SYBU: variants seen among roughly 807,000 people sequenced by gnomAD.
SYBU encodes syntabulin.
In SYBU, 21 loss-of-function variants were observed where a neutral mutation model predicts 35.9. The observed-to-expected ratio is 0.58, with a 90% CI of 0.41 to 0.84. The LOEUF (loss-of-function observed/expected upper bound fraction) is 0.84. Among genes scored for constraint, SYBU ranks in the 40% least tolerant of loss-of-function variants. The pLI, the probability that SYBU is intolerant of heterozygous loss-of-function variation, is 0.00. For synonymous variants in SYBU, 319 were observed against 324.3 expected, an observed-to-expected ratio of 0.98 and a Z score of 0.18; for missense variants, 768 against 848.2, an observed-to-expected ratio of 0.91 and a Z score of 1.17.
chr8:109,664,161 AG>A (rs1326870688), intron 1 of SYBU, among the ~76,000 whole-genome samples: 3 of 152,166 alleles, frequency 2.0e-5, no homozygotes, highest in African/African-American at 7.2e-5. Context: ...GAGGGAAAAA[AG>A]GTCACAAAAG....
chr8:109,589,816 T>G (rs1189305833), intron 3 of SYBU, among the ~76,000 whole-genome samples: 1 of 152,172 alleles, frequency 6.6e-6, no homozygotes. Context: ...TTTTGCCTGT[T>G]TTCAAGATAT....
At position 109,678,160 on chromosome 8, in the gene SYBU, G is replaced by A. The variant is rs28645913; in HGVS notation, c.-129+2551C>T. ...AAAAAAAAAAAAAAAAAAAAAAAAA[G>A]GAAAAGGAAAAGTAACATTTAAAGT... is the stretch of plus-strand genomic sequence containing the variant. On this transcript the variant is annotated intron_variant, in intron 1 of 5. Coordinates refer to the SYBU transcript ENST00000408889. Among the ~76,000 whole-genome samples the A allele has an allele frequency of 8.3e-3, 903 of 108,492 alleles. 9 individuals carry two copies. Among genetic ancestry groups the A allele is most frequent in the East Asian group, 0.013 (41 of 3,150 alleles). The allele number at this position is 108,492 out of a possible 152,430, so 71.2% of individuals were successfully genotyped here. A position where few individuals can be genotyped will look rare whatever the true frequency, so the allele number is the denominator to read the frequency against.
rs147435962 is a variant in SYBU at position 109,595,838 on chromosome 8, C to T, written c.428-9676G>A. Among the ~76,000 whole-genome samples, 55 of 152,286 alleles carry T rather than the reference C, an allele frequency of 3.6e-4. No individual in the cohort carries two copies. The East Asian group carries it at 0.01, about 28-fold the overall frequency. On this transcript the variant is annotated intron_variant, in intron 3 of 6. Coordinates refer to ENST00000276646, the MANE Select transcript of SYBU (RefSeq NM_001099754.2). ...TTAAAACCTTCCTTAGACACAGGTC[C>T]CAGTGGTTGCCACTGGTCAGGTTAA...
chr8:109,613,734 G>GT (rs1333488589), intron 3 of SYBU, among the ~76,000 whole-genome samples: 3 of 152,190 alleles, frequency 2.0e-5, no homozygotes, highest in Non-Finnish European at 4.4e-5. Flanking sequence ...GATGCTCATG[G>GT]TAAGAACAGA....
intron 3 of SYBU, among the ~76,000 whole-genome samples, chr8:109,594,041 G>C (rs895473940): frequency 6.6e-6 from 1 of 152,204 alleles, no homozygotes; most frequent in Non-Finnish European, 1.5e-5. Context: ...AAAAGAACTA[G>C]CTGGAAAGCC....
At chr8:109,607,011 A>C (rs1826137019) in intron 3 of SYBU, among the ~76,000 whole-genome samples, 1 of 152,238 alleles carries the variant, frequency 6.6e-6, no homozygotes, top group African/African-American at 2.4e-5. Flanking sequence ...ATATGTGAAC[A>C]ATCTAAATAT....
chr8:109,599,048 C>A (rs1314227048), intron 3 of SYBU, among the ~76,000 whole-genome samples: 1 of 152,144 alleles, frequency 6.6e-6, no homozygotes, highest in African/African-American at 2.4e-5. Flanking sequence ...CCACCCTCAC[C>A]CCCCATCCCA....
intron 1 of SYBU, among the ~76,000 whole-genome samples, chr8:109,670,156 GTTA>G: frequency 6.6e-6 from 1 of 151,898 alleles, no homozygotes; most frequent in East Asian, 1.9e-4. Flanking sequence ...TTATTATTCT[GTTA>G]TTAGCTGTTT....
intron 1 of SYBU, chr8:109,643,243 A>T (rs975645400): frequency 2.0e-6 from 2 of 1,007,378 alleles, no homozygotes; most frequent in Admixed American, 5.5e-5. Context: ...TCACCTTCCC[A>T]CCCTGACTTC....
chr8:109,608,838 A>T (rs1563717377), intron 3 of SYBU, among the ~76,000 whole-genome samples: 2 of 152,216 alleles, frequency 1.3e-5, no homozygotes, highest in Admixed American at 6.5e-5. Flanking sequence ...CTACAAACAC[A>T]GCTCACTGTC....
intron 3 of SYBU, among the ~76,000 whole-genome samples, chr8:109,606,228 A>T (rs7838916): frequency 0.025 from 3,845 of 152,288 alleles, 160 homozygotes; most frequent in African/African-American, 0.089. Context: ...TGAAACAAAG[A>T]ATTGTTCAAG....
At chr8:109,666,333 C>T (rs1355679571) in intron 1 of SYBU, among the ~76,000 whole-genome samples, 1 of 152,146 alleles carries the variant, frequency 6.6e-6, no homozygotes, top group Non-Finnish European at 1.5e-5. Flanking sequence ...GGATGTTTAG[C>T]AGCTTCTCCA....
At chr8:109,579,493 C>T (rs1266055071) in intron 5 of SYBU, among the ~76,000 whole-genome samples, 3 of 152,074 alleles carry the variant, frequency 2.0e-5, no homozygotes, top group Non-Finnish European at 2.9e-5. Flanking sequence ...GGCGTGATCT[C>T]GGTTCACTGG....
intron 3 of SYBU, among the ~76,000 whole-genome samples, chr8:109,600,382 A>G (rs1483492491): frequency 6.6e-6 from 1 of 152,128 alleles, no homozygotes; most frequent in Admixed American, 6.5e-5. Context: ...AACCTCTTAA[A>G]AGTCAAGTTT....
intron 3 of SYBU, among the ~76,000 whole-genome samples, chr8:109,599,530 G>A (rs1436582784): frequency 6.6e-6 from 1 of 152,154 alleles, no homozygotes; most frequent in Non-Finnish European, 1.5e-5. Flanking sequence ...GTAATGTTGA[G>A]AAATCACTAC....
At chr8:109,599,230 G>A (rs1825231091) in intron 3 of SYBU, among the ~76,000 whole-genome samples, 1 of 152,182 alleles carries the variant, frequency 6.6e-6, no homozygotes, top group Non-Finnish European at 1.5e-5. Flanking sequence ...AGTAAACCCT[G>A]GGGCTGTGTC....
At chr8:109,586,198 A>C (rs1284196760) in intron 3 of SYBU, 36 bp from the exon 4 acceptor site, 2 of 1,492,134 alleles carry the variant, frequency 1.3e-6, no homozygotes, top group Non-Finnish European at 9.2e-7. Flanking sequence ...GCGTGAGGGA[A>C]AGGAAACTAG....
chr8:109,651,652 AG>A (rs2130718779), intron 1 of SYBU, among the ~76,000 whole-genome samples: 1 of 152,210 alleles, frequency 6.6e-6, no homozygotes, highest in Non-Finnish European at 1.5e-5. Context: ...AACAGTAATT[AG>A]TTCATAATAC....
chr8:109,689,576 T>C (rs907915258), intron 1 of SYBU, among the ~76,000 whole-genome samples: 3 of 152,032 alleles, frequency 2.0e-5, no homozygotes, highest in Non-Finnish European at 4.4e-5. Context: ...AAGCAACCCA[T>C]CCTTCTCAGG....
Sources: allele counts gnomAD v4.1 joint callset (sites outside exome capture counted in the v4.1 genomes callset), GRCh38; gene constraint gnomAD v4.1.1; transcripts MANE v1.5; gene names NCBI Gene and HGNC (gene_info 2026-07-23, HGNC 2026-07-21).